Variants in SPATC1L observed in about 807,000 individuals in gnomAD.
The protein encoded by SPATC1L is spermatogenesis and centriole associated 1 like.
Under a neutral mutation model 21.2 loss-of-function variants are expected in SPATC1L, and 20 were observed. That is an observed-to-expected ratio of 0.94 (90% CI 0.66 to 1.37). The LOEUF is 1.37. Ranked by LOEUF, SPATC1L falls within the 40% of genes most tolerant of loss-of-function variation. The pLI, the probability that SPATC1L is intolerant of heterozygous loss-of-function variation, is 0.00. For synonymous variants in SPATC1L, 290 were observed against 234.5 expected (o/e 1.24, Z -2.16); for missense variants, 499 against 478.7 (o/e 1.04, Z -0.40).
chr21:46,182,912 G>C lies in SPATC1L; in HGVS notation c.-96C>G. The C allele has an allele frequency of 1.6e-6, 2 of 1,286,346 alleles. No individual in the cohort carries two copies. The highest frequency in any genetic ancestry group is 2.8e-5 in the Admixed American group (1 of 35,988). The allele number at this position is 1,286,346 out of a possible 1,614,324, so 79.7% of individuals were successfully genotyped here. On this transcript the variant is annotated 5_prime_UTR_variant, in exon 2 of 5. Transcript: ENST00000291672. ...GCACCACAGAAACAGCCCAGGCACG[G>C]AGTTCCGTAGCCACCACCGCCTTCC...
intron 2 of SPATC1L, among the ~76,000 whole-genome samples, chr21:46,181,281 T>G (rs1384802627): frequency 6.6e-6 from 1 of 152,148 alleles, no homozygotes; most frequent in Non-Finnish European, 1.5e-5. Context: ...TGGGGCTCAG[T>G]GGCCGCTGAT....
intron 3 of SPATC1L, among the ~76,000 whole-genome samples, chr21:46,166,366 C>CAAAA (rs545784940): frequency 0.067 from 9,562 of 141,772 alleles, 650 homozygotes; most frequent in African/African-American, 0.18. Flanking sequence ...ACCCTGTCTC[C>CAAAA]AAAAAAAAAA....
intron 3 of SPATC1L, among the ~76,000 whole-genome samples, chr21:46,167,544 G>A (rs530677953): frequency 2.2e-4 from 34 of 152,340 alleles, no homozygotes; most frequent in African/African-American, 7.9e-4. Flanking sequence ...GCCAGGCATG[G>A]TGGCTCATGC....
chr21:46,175,095 A>G (rs2079623034), intron 2 of SPATC1L, among the ~76,000 whole-genome samples: 1 of 152,214 alleles, frequency 6.6e-6, no homozygotes, highest in Non-Finnish European at 1.5e-5. Flanking sequence ...AGAAATCAAG[A>G]AATTCCTTGA....
At position 46,162,144 on chromosome 21, in the gene SPATC1L, G is replaced by A; in HGVS notation, c.545-77C>T. 2.1e-6 allele frequency: 3 copies of A among 1,435,812 alleles called. 1 individual carries two copies. The highest frequency in any genetic ancestry group is 1.9e-6 in the Non-Finnish European group (2 of 1,078,684). The allele number at this position is 1,435,812 out of a possible 1,614,324, so 88.9% of individuals were successfully genotyped here. A position where few individuals can be genotyped will look rare whatever the true frequency, so the allele number is the denominator to read the frequency against. ...CCCTCGAGGGTGCCCTCGGCCACGT[G>A]GGGGGCGGCTCCTCCACCCCCCTCC... On this transcript the variant is annotated intron_variant, in intron 3 of 4. Transcript: ENST00000291672.
At position 46,183,415 on chromosome 21, in the gene SPATC1L, G is replaced by C; in HGVS notation, c.-599C>G. 1 of 181,390 alleles carries C rather than the reference G, an allele frequency of 5.5e-6. No individual in the cohort carries two copies. The highest frequency in any genetic ancestry group is 7.7e-5 in the South Asian group (1 of 13,022). The allele number at this position is 181,390 out of a possible 1,614,324, so 11.2% of individuals were successfully genotyped here. A position where few individuals can be genotyped will look rare whatever the true frequency, so the allele number is the denominator to read the frequency against. On this transcript the variant is annotated 5_prime_UTR_variant, in exon 2 of 5. Coordinates refer to ENST00000291672, the MANE Select transcript of SPATC1L (RefSeq NM_001142854.2). The stretch of plus-strand genomic sequence containing the variant: ...GGCAGTGGGAGGAGACCAGCATGTG[G>C]GGGAGACCAGCCTGGTGGGGAGACC...
At chr21:46,175,508 C>T (rs2079626237) in intron 2 of SPATC1L, among the ~76,000 whole-genome samples, 2 of 151,992 alleles carry the variant, frequency 1.3e-5, no homozygotes, top group African/African-American at 4.8e-5. Flanking sequence ...TACAACCAAC[C>T]ATCAGAAAAT....
intron 2 of SPATC1L, among the ~76,000 whole-genome samples, chr21:46,168,991 A>G (rs1319851039): frequency 6.6e-6 from 1 of 152,218 alleles, no homozygotes; most frequent in Non-Finnish European, 1.5e-5. Flanking sequence ...TTGTACATAA[A>G]TGGTAGCACC....
intron 2 of SPATC1L, among the ~76,000 whole-genome samples, chr21:46,171,962 A>T (rs1014854809): frequency 7.8e-6 from 1 of 127,442 alleles, no homozygotes; most frequent in Non-Finnish European, 1.7e-5. Flanking sequence ...AAAAAAAAAA[A>T]CCATGGCCAG....
chr21:46,165,935 G>A (rs1017191885), intron 3 of SPATC1L, among the ~76,000 whole-genome samples: 1 of 152,180 alleles, frequency 6.6e-6, no homozygotes, highest in Non-Finnish European at 1.5e-5. Flanking sequence ...GGTAGTTTCA[G>A]CGGTGAATTC....
intron 2 of SPATC1L, among the ~76,000 whole-genome samples, chr21:46,173,252 ATGCCTGCTTGC>A (rs1298734194): frequency 6.6e-6 from 1 of 152,172 alleles, no homozygotes; most frequent in African/African-American, 2.4e-5. Context: ...CAGCCTGGCC[ATGCCTGCTTGC>A]AGGGCAGTCT....
intron 3 of SPATC1L, among the ~76,000 whole-genome samples, chr21:46,166,857 T>C (rs1225607004): frequency 6.6e-6 from 1 of 152,200 alleles, no homozygotes. Context: ...ATTTTCACCC[T>C]TGGACAGATC....
Position 46,184,362 on chromosome 21 carries a change from G to T in SPATC1L, c.-965C>A. ...ACTTGGGAAAGTAAATCACCTCAGT[G>T]TTGTTTCTTGGCTCCGAGGGTCTTG... On this transcript the variant is annotated 5_prime_UTR_variant, in exon 1 of 5. Transcript: ENST00000291672. The T allele has an allele frequency of 6.4e-6, 1 of 156,782 alleles. No individual in the cohort carries two copies. The highest frequency in any genetic ancestry group is 1.4e-5 in the Non-Finnish European group (1 of 70,226). 9.7% of individuals were successfully genotyped at this position (156,782 alleles called of 1,614,324 possible). A position where few individuals can be genotyped will look rare whatever the true frequency, so the allele number is the denominator to read the frequency against.
At chr21:46,165,569 T>TGAG (rs143061339) in intron 3 of SPATC1L, among the ~76,000 whole-genome samples, 9,711 of 141,190 alleles carry the variant, frequency 0.069, 838 homozygotes, top group African/African-American at 0.18. Context: ...GATATGAGTA[T>TGAG]GAGTCCTTTC....
chr21:46,168,318 G>A lies in SPATC1L; in HGVS notation c.534C>T (p.Tyr178=). Residue 178 remains tyrosine, a synonymous_variant, in exon 3 of 5, where the codon TAC becomes TAT. Transcript: ENST00000291672. ...CGCACCCGGCCATACCATTGAGGTA[G>A]TAGCTCCTCCTGGTCCTGTCCCCGG... is the stretch of plus-strand genomic sequence containing the variant. ...LPTGDRTRRS[Y]YLNEIQSFAG... is the part of the protein sequence containing the mutation. The A allele has an allele frequency of 6.3e-7, 1 of 1,579,956 alleles. No individual in the cohort carries two copies. Among genetic ancestry groups the A allele is most frequent in the South Asian group, 1.1e-5 (1 of 89,032 alleles).
chr21:46,166,933 A>G (rs1487621899), intron 3 of SPATC1L, among the ~76,000 whole-genome samples: 1 of 152,250 alleles, frequency 6.6e-6, no homozygotes, highest in African/African-American at 2.4e-5. Context: ...AACATGATAG[A>G]TATTTACAGA....
In SPATC1L at chr21:46,161,640, G is replaced by A; in HGVS notation, c.762C>T (p.Tyr254=). ...TCTCCAGGCGCGCGCTCAGGGCCAG[G>A]TAGCGCTGCGTCAGCTCGCGCAGCT... ...ERKLRELTQR[Y]LALSARLEKL... is the part of the protein sequence containing the mutation. Residue 254 remains tyrosine (Y), a synonymous_variant, in exon 5 of 5, where the codon TAC becomes TAT. Coordinates refer to ENST00000291672, the MANE Select transcript of SPATC1L (RefSeq NM_001142854.2). 6.2e-7 allele frequency: 1 copy of A among 1,610,194 alleles called. No individual in the cohort carries two copies. The highest frequency in any genetic ancestry group is 1.1e-5 in the South Asian group (1 of 90,776).
chr21:46,167,601 G>A (rs144250255), intron 3 of SPATC1L, among the ~76,000 whole-genome samples: 188 of 152,298 alleles, frequency 1.2e-3, no homozygotes, highest in African/African-American at 4.3e-3. Context: ...AATTGCTTCA[G>A]CCCGGGAGGT....
chr21:46,179,468 A>G (rs913948230), intron 2 of SPATC1L, among the ~76,000 whole-genome samples: 1 of 152,214 alleles, frequency 6.6e-6, no homozygotes, highest in African/African-American at 2.4e-5. Flanking sequence ...TTGTGGTGCT[A>G]TTTACCTCAA....
Sources: gnomAD v4.1 joint callset for allele counts (sites outside exome capture counted in the v4.1 genomes callset) on GRCh38, gnomAD v4.1.1 for gene constraint, MANE v1.5 for transcripts, NCBI Gene and HGNC (gene_info 2026-07-23, HGNC 2026-07-21) for gene names.